TNS2: variants seen among roughly 807,000 people sequenced by gnomAD.
The protein encoded by TNS2 is tensin 2.
Under a neutral mutation model 155.7 loss-of-function variants are expected in TNS2, and 77 were observed. That is an observed-to-expected ratio of 0.49 (90% CI 0.41 to 0.60). The LOEUF (loss-of-function observed/expected upper bound fraction) is 0.60, where lower values mean the gene tolerates loss of function less well. Among genes scored for constraint, TNS2 ranks in the 20% least tolerant of loss-of-function variants. The pLI, the probability that TNS2 is intolerant of heterozygous loss-of-function variation, is 0.00. For missense variants in TNS2, 1,703 were observed against 1,868.8 expected (o/e 0.91, Z 1.64); for synonymous variants, 726 against 763.9 (o/e 0.95, Z 0.82).
At chr12:53,055,518 C>T (rs745483569) in intron 8 of TNS2, 50 bp from the exon 9 acceptor site, 3 of 1,558,312 alleles carry the variant, frequency 1.9e-6, no homozygotes, top group Admixed American at 3.6e-5. Context: ...CTGCCCATCT[C>T]TCTCTGTTGG....
Position 53,064,174 on chromosome 12 carries a change from T to C in TNS2, c.*292T>C, listed in dbSNP as rs538127260. On this transcript the variant is annotated 3_prime_UTR_variant, in exon 29 of 29. Transcript: ENST00000314250. ...CCGAAGGAGATCAGGCAGCCCCACC[T>C]GCAGGAGAACGTCAGCCCTCCAGGG... is the stretch of plus-strand genomic sequence containing the variant. 49 of 375,700 alleles carry C rather than the reference T, an allele frequency of 1.3e-4. 1 individual carries two copies. Among genetic ancestry groups the C allele is most frequent in the African/African-American group, 9.6e-4 (47 of 49,144 alleles). The allele number at this position is 375,700 out of a possible 1,614,324, so 23.3% of individuals were successfully genotyped here.
Position 53,063,555 on chromosome 12 carries a change from T to C in TNS2, c.4062-8T>C. On this transcript the variant is annotated splice_region_variant and splice_polypyrimidine_tract_variant and intron_variant, in intron 27 of 28. Coordinates refer to ENST00000314250, the MANE Select transcript of TNS2 (RefSeq NM_170754.4). The surrounding 1 kb of genome is among the most constrained non-coding windows in gnomAD (Gnocchi z 5.6). The stretch of plus-strand genomic sequence containing the variant: ...GGTGTGCATCTTCACCTTCTTCTCC[T>C]TCTGCAGATGGACCAACCCAGACGG... 1 of 1,592,652 alleles carries C rather than the reference T, an allele frequency of 6.3e-7. No individual in the cohort carries two copies. Among genetic ancestry groups the C allele is most frequent in the Non-Finnish European group, 8.6e-7 (1 of 1,167,964 alleles).
rs535651692 is a variant in TNS2, at chr12:53,064,202, T to G, written c.*320T>G. The G allele has an allele frequency of 6.1e-4, 200 of 326,786 alleles. No homozygotes were observed. The highest frequency in any genetic ancestry group is 3.9e-3 in the African/African-American group (186 of 47,556). 20.2% of individuals were successfully genotyped at this position (326,786 alleles called of 1,614,324 possible). On this transcript the variant is annotated 3_prime_UTR_variant, in exon 29 of 29. Coordinates refer to ENST00000314250, the MANE Select transcript of TNS2 (RefSeq NM_170754.4). ...AGGAGAACGTCAGCCCTCCAGGGGA[T>G]CAGCCCCTGCCAGTTCCACCCAGCT... is the stretch of plus-strand genomic sequence containing the variant.
chr12:53,057,662 C>T lies in TNS2; in HGVS notation c.941C>T (p.Ala314Val). Residue 314 changes from alanine to valine, a missense_variant, in exon 12 of 29, where the codon GCC becomes GTC. Ala to Val is a moderately conservative substitution (Grantham distance 64, BLOSUM62 0). Coordinates refer to ENST00000314250, the MANE Select transcript of TNS2 (RefSeq NM_170754.4). ...LHYVLIPMLPAFEPGTGFQPF... is the reference protein window; with the variant it reads ...LHYVLIPMLPVFEPGTGFQPF... ...TATGTGCTCATCCCCATGCTGCCAG[C>T]CTTTGAACCTGGCACAGGTGAGTCT... The T allele has an allele frequency of 6.2e-7, 1 of 1,614,138 alleles. No individual in the cohort carries two copies. The highest frequency in any genetic ancestry group is 1.3e-5 in the African/African-American group (1 of 75,038).
Position 53,053,430 on chromosome 12 carries a change from C to T in TNS2, c.242C>T (p.Ala81Val). 1 of 1,614,026 alleles carries T rather than the reference C, an allele frequency of 6.2e-7. No homozygotes were observed. Among genetic ancestry groups the T allele is most frequent in the Non-Finnish European group, 8.5e-7 (1 of 1,179,976 alleles). The change falls in exon 4 of 29, where the codon GCC becomes GTC. Residue 81 changes from alanine (A) to valine (V), a missense_variant. Ala to Val is a moderately conservative substitution (Grantham distance 64, BLOSUM62 0). Coordinates refer to ENST00000314250, the MANE Select transcript of TNS2 (RefSeq NM_170754.4). ...TTCCAGGTGACTTCAGCCTGTCAGG[C>T]CTTGCCTCCCGTGGAGTTGGTGAGT... ...CEAKVTSACQ[A>V]LPPVELRRNT...
chr12:53,057,016 G>A lies in TNS2; in HGVS notation c.765G>A (p.Ala255=), dbSNP rs201049250. 99 of 1,613,248 alleles carry A rather than the reference G, an allele frequency of 6.1e-5. No homozygotes were observed. The highest frequency in any genetic ancestry group is 2.6e-4 in the South Asian group (24 of 90,784). Residue 255 remains alanine, a synonymous_variant, in exon 11 of 29, where the codon GCG becomes GCA. Coordinates refer to ENST00000314250, the MANE Select transcript of TNS2 (RefSeq NM_170754.4). ...YMHYSKISAG[A]DQALATLTMR... ...ACACTGGCCTTGCTATCCCCAGGGC[G>A]GACCAGGCACTGGCCACTCTTACCA...
At chr12:53,048,979 G>T, upstream of TNS2, 1 of 537,142 alleles carries the variant, frequency 1.9e-6, no homozygotes. Flanking sequence ...GCTATAGCCT[G>T]TCCCAGGGGC....
upstream of TNS2, chr12:53,049,280 G>C (rs758903859): frequency 4.4e-6 from 7 of 1,580,270 alleles, no homozygotes; most frequent in South Asian, 5.7e-5. Context: ...TGCCGCGGGG[G>C]GAGGGTGCAG....
At chr12:53,061,335 G>A in intron 20 of TNS2, 45 bp from the exon 21 acceptor site, 2 of 1,612,734 alleles carry the variant, frequency 1.2e-6, no homozygotes, top group Admixed American at 1.7e-5. Context: ...CATGGATGGG[G>A]ACCCGGGTAC....
At chr12:53,053,289 G>C in intron 3 of TNS2, 122 bp from the exon 4 acceptor site, 1 of 1,123,348 alleles carries the variant, frequency 8.9e-7, no homozygotes, top group Non-Finnish European at 1.3e-6. Context: ...ACCTCAGCTG[G>C]AGCCTGTGCC....
intron 2 of TNS2, 189 bp from the exon 3 acceptor site, chr12:53,052,266 C>A (rs559755175): frequency 2.8e-6 from 2 of 719,652 alleles, no homozygotes; most frequent in South Asian, 1.7e-5. Flanking sequence ...CTGGCCTGGG[C>A]AGTAGTACCC....
chr12:53,054,439 C>T lies in TNS2; in HGVS notation c.520C>T (p.Leu174=), dbSNP rs1049626586. ...VLQSKHRDKY[L]LFNLSEKRHD... ...GCAATCCAAGCACCGGGACAAGTAC[C>T]TGGTGAGGGGCGGGGCCATCAGGAG... is the stretch of plus-strand genomic sequence containing the variant. The change falls in exon 7 of 29, where the codon CTG becomes TTG. Residue 174 remains leucine, a splice_region_variant and synonymous_variant. Transcript: ENST00000314250. 5.6e-6 allele frequency: 9 copies of T among 1,600,510 alleles called. No homozygotes were observed. The highest frequency in any genetic ancestry group is 1.7e-4 in the Middle Eastern group (1 of 5,990).
upstream of TNS2, among the ~76,000 whole-genome samples, chr12:53,047,575 G>C (rs1245768900): frequency 6.6e-6 from 1 of 151,116 alleles, no homozygotes; most frequent in Non-Finnish European, 1.5e-5. Context: ...AGTGACTAGG[G>C]GGCGGGGCGC....
rs371076491 is a variant in TNS2 at position 53,059,912 on chromosome 12, A to T, written c.2271A>T (p.Pro757=). The part of the protein sequence containing the change: ...APMPDYSCLK[P]PKAGEEGHEG... ...TGCCTGACTACAGCTGCCTGAAGCC[A>T]CCCAAGGCAGGCGAGGAAGGGCACG... The change falls in exon 18 of 29, where the codon CCA becomes CCT. Residue 757 remains proline, a synonymous_variant. Coordinates refer to ENST00000314250, the MANE Select transcript of TNS2 (RefSeq NM_170754.4). The surrounding 1 kb of genome is among the most constrained non-coding windows in gnomAD (Gnocchi z 4.7). The T allele has an allele frequency of 1.1e-5, 17 of 1,611,606 alleles. No homozygotes were observed. The highest frequency in any genetic ancestry group is 1.4e-5 in the Non-Finnish European group (16 of 1,178,956).
Position 53,058,053 on chromosome 12 carries a change from A to G in TNS2, c.1046A>G (p.Gln349Arg), listed in dbSNP as rs1461425099. The G allele has an allele frequency of 2.0e-5, 32 of 1,613,978 alleles. No homozygotes were observed. The highest frequency in any genetic ancestry group is 2.6e-5 in the Non-Finnish European group (31 of 1,180,036). ...VYHIAGPGPQQLCISLEPALL... is the reference protein window; with the variant it reads ...VYHIAGPGPQRLCISLEPALL... ...CACATTGCAGGCCCTGGTCCCCAGC[A>G]GCTTTGCATCAGCCTGGAGCCAGCC... Residue 349 changes from glutamine to arginine, a missense_variant, in exon 14 of 29, where the codon CAG becomes CGG. By Grantham distance (43) the Gln-to-Arg change is conservative. Transcript: ENST00000314250.
chr12:53,057,112 G>A lies in TNS2; in HGVS notation c.845+16G>A. On this transcript the variant is annotated intron_variant, in intron 11 of 28. Transcript: ENST00000314250. The stretch of plus-strand genomic sequence containing the variant: ...CCCAGCGTCGGTGAGCAGCCTGGGT[G>A]GGGATGGGCCAGAGGAGCAGCTCCC... The A allele has an allele frequency of 5.6e-6, 9 of 1,607,728 alleles. No homozygotes were observed. Among genetic ancestry groups the A allele is most frequent in the South Asian group, 1.1e-5 (1 of 89,498 alleles).
Position 53,055,223 on chromosome 12 carries a change from G to T in TNS2, c.560G>T (p.Arg187Leu). ...NLSEKRHDLT[R>L]LNPKVQDFGW... The stretch of plus-strand genomic sequence containing the variant: ...TCAGAGAAAAGGCATGACCTGACCC[G>T]CTTAAACCCCAAGGTATGAAGGAAA... Residue 187 changes from arginine to leucine, a missense_variant, in exon 8 of 29, where the codon CGC becomes CTC. Arg to Leu is a moderately radical substitution (Grantham distance 102). Transcript: ENST00000314250. The T allele has an allele frequency of 6.2e-7, 1 of 1,613,672 alleles. No homozygotes were observed. Among genetic ancestry groups the T allele is most frequent in the Non-Finnish European group, 8.5e-7 (1 of 1,179,872 alleles).
rs1183868046 is a variant in TNS2, at chr12:53,058,391, A to G, written c.1171A>G (p.Ile391Val). Residue 391 changes from isoleucine to valine, a missense_variant, in exon 15 of 29, where the codon ATC becomes GTC. Physicochemically the swap from Ile to Val is conservative, Grantham distance 29 (BLOSUM62 3). Coordinates refer to ENST00000314250, the MANE Select transcript of TNS2 (RefSeq NM_170754.4). ...CCGAGTCCAGTTCCACACCTGCACCATCCACGGACCACAGCTCACTTTCCC... is the reference window on the plus strand; with the variant it reads ...CCGAGTCCAGTTCCACACCTGCACCGTCCACGGACCACAGCTCACTTTCCC... ...VFRVQFHTCT[I>V]HGPQLTFPKD... 4.3e-6 allele frequency: 7 copies of G among 1,614,042 alleles called. No individual in the cohort carries two copies. Among genetic ancestry groups the G allele is most frequent in the Non-Finnish European group, 3.4e-6 (4 of 1,180,034 alleles).
Position 53,063,033 on chromosome 12 carries a change from G to A in TNS2, c.3824-56G>A. ...GTAGCTGGGGAATGTGCAAGAGCTG[G>A]TGGGGGTGGCTAGGGGATGGGCACT... On this transcript the variant is annotated intron_variant, in intron 25 of 28. Coordinates refer to ENST00000314250, the MANE Select transcript of TNS2 (RefSeq NM_170754.4). The surrounding 1 kb of genome is among the most constrained non-coding windows in gnomAD (Gnocchi z 5.6). The A allele has an allele frequency of 6.7e-7, 1 of 1,503,022 alleles. No homozygotes were observed. Among genetic ancestry groups the A allele is most frequent in the East Asian group, 2.3e-5 (1 of 43,906 alleles). 93.1% of individuals were successfully genotyped at this position (1,503,022 alleles called of 1,614,324 possible). A position where few individuals can be genotyped will look rare whatever the true frequency, so the allele number is the denominator to read the frequency against.
Sources: gnomAD v4.1 joint callset for allele counts (sites outside exome capture counted in the v4.1 genomes callset) on GRCh38, gnomAD v4.1.1 for gene constraint, Gnocchi (gnomAD v3.1) non-coding constraint, MANE v1.5 for transcripts, NCBI Gene and HGNC (gene_info 2026-07-23, HGNC 2026-07-21) for gene names.